Variants in BRIP1 observed in about 807,000 individuals in gnomAD.
BRIP1 encodes Fanconi anemia group J protein.
BRIP1 carries 88 observed loss-of-function variants against 119.7 expected under a neutral mutation model. The ratio of observed to expected loss-of-function variants is 0.74; its 90% CI spans 0.62 to 0.88. The LOEUF is 0.88. Ranked by LOEUF, BRIP1 falls within the 40% of genes least tolerant of loss-of-function variation. The pLI is 0.00. For missense variants in BRIP1, 1,259 were observed against 1,455.4 expected (o/e 0.87, Z 2.20); for synonymous variants, 443 against 496.5 (o/e 0.89, Z 1.43).
intron 14 of BRIP1, among the ~76,000 whole-genome samples, chr17:61,772,831 A>AAAC (rs1450495368): frequency 3.3e-5 from 5 of 151,250 alleles, no homozygotes; most frequent in Admixed American, 1.3e-4. Flanking sequence ...AAAAAAAAAA[A>AAAC]AAAAAAAAAA....
At chr17:61,790,802 T>G (rs548000843) in intron 10 of BRIP1, among the ~76,000 whole-genome samples, 88 of 151,838 alleles carry the variant, frequency 5.8e-4, no homozygotes, top group Non-Finnish European at 1.1e-3. Context: ...CCACACCAGC[T>G]AATTTTTTGT....
At position 61,806,222 on chromosome 17, in the gene BRIP1, C is replaced by T. The variant is rs1004634691; in HGVS notation, c.918+2245G>A. Among the ~76,000 whole-genome samples, 7 of 152,196 alleles carry T rather than the reference C, an allele frequency of 4.6e-5. No homozygotes were observed. The highest frequency in any genetic ancestry group is 1.7e-4 in the African/African-American group (7 of 41,454). ...AAGTGTTATCACACTTTAAACACTT[C>T]CATTCAAACTGTCAGTTATCTATTT... On this transcript the variant is annotated intron_variant, in intron 7 of 19. Coordinates refer to ENST00000259008, the MANE Select transcript of BRIP1 (RefSeq NM_032043.3). The surrounding 1 kb of genome is among the most constrained non-coding windows in gnomAD (Gnocchi z 4.9).
In BRIP1 at chr17:61,699,684, C is replaced by G. The variant is rs2061583135; in HGVS notation, c.2493-6172G>C. On this transcript the variant is annotated intron_variant, in intron 17 of 19. Transcript: ENST00000259008. This position sits in a 1 kb window ranked among gnomAD's most constrained non-coding sequence, Gnocchi z 4.8. Reference sequence around the variant, plus strand: ...CTAGAAAGGTCTGTTTAAAGGTGTTCCTGGGCTGATGAATGAAAACTTAGA... The same window carrying G: ...CTAGAAAGGTCTGTTTAAAGGTGTTGCTGGGCTGATGAATGAAAACTTAGA... 6.6e-6 allele frequency among the ~76,000 whole-genome samples: 1 copy of G among 152,110 alleles called. No homozygotes were observed. The highest frequency in any genetic ancestry group is 1.5e-5 in the Non-Finnish European group (1 of 68,020).
At chr17:61,765,189 A>G (rs1414481740) in intron 14 of BRIP1, among the ~76,000 whole-genome samples, 4 of 150,636 alleles carry the variant, frequency 2.7e-5, no homozygotes, top group Non-Finnish European at 5.9e-5. Flanking sequence ...TATAGCATCA[A>G]AAAATTGACC....
chr17:61,786,606 A>AAT (rs907957385), intron 10 of BRIP1, among the ~76,000 whole-genome samples: 5 of 146,644 alleles, frequency 3.4e-5, no homozygotes, highest in East Asian at 1.9e-4. Context: ...ATAAAAATAT[A>AAT]ATATATATAT....
At chr17:61,792,888 G>A (rs543857115) in intron 10 of BRIP1, among the ~76,000 whole-genome samples, 46 of 152,038 alleles carry the variant, frequency 3.0e-4, no homozygotes, top group Non-Finnish European at 5.7e-4. Context: ...TATTGTAAGA[G>A]GTCAATAATG....
intron 19 of BRIP1, 108 bp downstream of exon 19, chr17:61,685,728 T>C (rs761609074): frequency 1.9e-6 from 2 of 1,041,874 alleles, no homozygotes; most frequent in Admixed American, 4.0e-5. Flanking sequence ...CACCTTATAT[T>C]ACAAACCACC....
rs1280489391 is a variant in BRIP1 at position 61,684,805 on chromosome 17, G to C, written c.2906-665C>G. 6.6e-6 allele frequency: 1 copy of C among 152,002 alleles called. No individual in the cohort carries two copies. Among genetic ancestry groups the C allele is most frequent in the African/African-American group, 2.4e-5 (1 of 41,354 alleles). 9.4% of individuals were successfully genotyped at this position (152,002 alleles called of 1,614,324 possible). A position where few individuals can be genotyped will look rare whatever the true frequency, so the allele number is the denominator to read the frequency against. On this transcript the variant is annotated intron_variant, in intron 19 of 19. Transcript: ENST00000259008. This position sits in a 1 kb window ranked among gnomAD's most constrained non-coding sequence, Gnocchi z 4.5. ...TTTTGCTTTTGTTGCCCAGGCTGGA[G>C]TGCAATGGCGCAATCCTGGCTCACT...
chr17:61,777,717 C>T (rs532845668), intron 13 of BRIP1, among the ~76,000 whole-genome samples: 2 of 152,024 alleles, frequency 1.3e-5, no homozygotes, highest in Admixed American at 6.6e-5. Flanking sequence ...GGCACATCAC[C>T]CTCCAAGTGT....
In BRIP1 at chr17:61,735,728, G is replaced by A. The variant is rs180932428; in HGVS notation, c.2379+7285C>T. ...AGGTGGGAGGATCACCTGAGCCCGAGAGGCCAAGGCTGCAGTGACCCATGA... is the reference window on the plus strand; with the variant it reads ...AGGTGGGAGGATCACCTGAGCCCGAAAGGCCAAGGCTGCAGTGACCCATGA... On this transcript the variant is annotated intron_variant, in intron 16 of 19. Coordinates refer to ENST00000259008, the MANE Select transcript of BRIP1 (RefSeq NM_032043.3). This position sits in a 1 kb window ranked among gnomAD's most constrained non-coding sequence, Gnocchi z 4.4. 2.0e-5 allele frequency among the ~76,000 whole-genome samples: 3 copies of A among 152,140 alleles called. No homozygotes were observed. Among genetic ancestry groups the A allele is most frequent in the African/African-American group, 7.2e-5 (3 of 41,490 alleles).
At chr17:61,788,675 A>T (rs9893175) in intron 10 of BRIP1, among the ~76,000 whole-genome samples, 3 of 152,182 alleles carry the variant, frequency 2.0e-5, no homozygotes, top group African/African-American at 4.8e-5. Flanking sequence ...AATTAGAGGG[A>T]CTGGGTGTAG....
At chr17:61,790,635 C>T (rs527517971) in intron 10 of BRIP1, among the ~76,000 whole-genome samples, 18 of 152,034 alleles carry the variant, frequency 1.2e-4, no homozygotes, top group African/African-American at 4.3e-4. Context: ...GAATATGCTA[C>T]AATTTATCCT....
chr17:61,832,253 TC>T lies in BRIP1; in HGVS notation c.627+14847del, dbSNP rs2078504195. ...AAAGACACAAGCAACTTAACTGGTT[TC>T]CCACTTGAGTACCAAAACAAATCAT... On this transcript the variant is annotated intron_variant, in intron 6 of 19. Coordinates refer to ENST00000259008, the MANE Select transcript of BRIP1 (RefSeq NM_032043.3). This position sits in a 1 kb window ranked among gnomAD's most constrained non-coding sequence, Gnocchi z 5.5. 6.6e-6 allele frequency among the ~76,000 whole-genome samples: 1 copy of T among 152,140 alleles called. No individual in the cohort carries two copies. Among genetic ancestry groups the T allele is most frequent in the Admixed American group, 6.5e-5 (1 of 15,268 alleles).
chr17:61,732,067 C>A (rs1258319979), intron 16 of BRIP1, among the ~76,000 whole-genome samples: 18 of 148,822 alleles, frequency 1.2e-4, no homozygotes, highest in African/African-American at 4.5e-4. Context: ...CTGCAACCTC[C>A]CCCTCCCAAG....
At chr17:61,820,429 GTTTC>G (rs1799443800) in intron 6 of BRIP1, among the ~76,000 whole-genome samples, 1 of 152,052 alleles carries the variant, frequency 6.6e-6, no homozygotes, top group Non-Finnish European at 1.5e-5. Context: ...CATAGTGCTG[GTTTC>G]TTCTAGAAAA....
intron 6 of BRIP1, among the ~76,000 whole-genome samples, chr17:61,829,118 G>A (rs1053645240): frequency 4.6e-5 from 7 of 152,054 alleles, no homozygotes; most frequent in Non-Finnish European, 7.4e-5. Context: ...TACACTGAAT[G>A]TAAATAGTAT....
At chr17:61,858,514 C>T (rs2078930298) in intron 3 of BRIP1, among the ~76,000 whole-genome samples, 2 of 152,010 alleles carry the variant, frequency 1.3e-5, no homozygotes, top group African/African-American at 4.8e-5. Context: ...GCTGGGATTA[C>T]AGGCACACGC....
chr17:61,826,106 A>G (rs28839484), intron 6 of BRIP1, among the ~76,000 whole-genome samples: 10,206 of 152,202 alleles, frequency 0.067, 1,109 homozygotes, highest in African/African-American at 0.23. Context: ...TCACACCTAC[A>G]ACTATCTGAT....
rs994676502 is a variant in BRIP1 at position 61,724,285 on chromosome 17, A to G, written c.2380-8222T>C. Reference sequence around the variant, plus strand: ...TTTGGATTCTGATTTTTACCATTATATCATAATGTACTTGAGATTGAACAG... The same window carrying G: ...TTTGGATTCTGATTTTTACCATTATGTCATAATGTACTTGAGATTGAACAG... On this transcript the variant is annotated intron_variant, in intron 16 of 19. Coordinates refer to ENST00000259008, the MANE Select transcript of BRIP1 (RefSeq NM_032043.3). This position sits in a 1 kb window ranked among gnomAD's most constrained non-coding sequence, Gnocchi z 5.1. 1.3e-5 allele frequency among the ~76,000 whole-genome samples: 2 copies of G among 152,076 alleles called. No homozygotes were observed. Among genetic ancestry groups the G allele is most frequent in the Non-Finnish European group, 2.9e-5 (2 of 67,986 alleles).
Sources: gnomAD v4.1 joint callset for allele counts (sites outside exome capture counted in the v4.1 genomes callset) on GRCh38, gnomAD v4.1.1 for gene constraint, Gnocchi (gnomAD v3.1) non-coding constraint, MANE v1.5 for transcripts, NCBI Gene and HGNC (gene_info 2026-07-23, HGNC 2026-07-21) for gene names.